Variants in WFDC9 observed in about 807,000 individuals in gnomAD.
WFDC9 encodes the protein WAP four-disulfide core domain 9.
In WFDC9, 9 loss-of-function variants were observed where a neutral mutation model predicts 9.5. The observed-to-expected ratio is 0.95, with a 90% confidence interval of 0.57 to 1.65. The LOEUF (loss-of-function observed/expected upper bound fraction) is 1.65. Among genes scored for constraint, WFDC9 ranks in the 40% most tolerant of loss-of-function variants. The pLI is 0.00. For synonymous variants in WFDC9, 33 were observed against 32.3 expected, an observed-to-expected ratio of 1.02 and a Z score of -0.07; for missense variants, 87 against 106.7, an observed-to-expected ratio of 0.82 and a Z score of 0.81.
At chr20:45,616,782 G>T (rs1220337653) in intron 1 of WFDC9, among the ~76,000 whole-genome samples, 2 of 152,216 alleles carry the variant, frequency 1.3e-5, no homozygotes, top group Admixed American at 6.5e-5. Context: ...TGAGCCGTAG[G>T]CCTCAACAGT....
intron 2 of WFDC9, among the ~76,000 whole-genome samples, chr20:45,613,509 T>C (rs935011500): frequency 5.3e-5 from 8 of 152,208 alleles, no homozygotes; most frequent in African/African-American, 4.8e-5. Context: ...TTTAGACAAA[T>C]CACTTTTAAG....
rs182531995 is a variant in WFDC9 at position 45,617,367 on chromosome 20, A to C, written c.-152-2646T>G. ...CTACTCAGAAGGCTGAGGCAGGAGAATCACTTGGACCCAGGTGGCAGAGGT... is the reference window on the plus strand; with the variant it reads ...CTACTCAGAAGGCTGAGGCAGGAGACTCACTTGGACCCAGGTGGCAGAGGT... On this transcript the variant is annotated intron_variant, in intron 1 of 4. Transcript: ENST00000326000. 4.4e-3 allele frequency among the ~76,000 whole-genome samples: 663 copies of C among 152,330 alleles called. 3 individuals are homozygous for C. Among genetic ancestry groups the C allele is most frequent in the Middle Eastern group, 6.8e-3 (2 of 294 alleles).
chr20:45,622,624 G>C (rs902558256), intron 1 of WFDC9, among the ~76,000 whole-genome samples: 2 of 151,936 alleles, frequency 1.3e-5, no homozygotes, highest in African/African-American at 4.8e-5. Context: ...TTACTTAATG[G>C]TGCCCAATCA....
chr20:45,629,946 G>C (rs1277517838), intron 1 of WFDC9: 2 of 1,605,650 alleles, frequency 1.2e-6, no homozygotes, highest in East Asian at 2.2e-5. Flanking sequence ...GAATTGGGTA[G>C]GGGGAATGGA....
rs201017353 is a variant in WFDC9, at chr20:45,610,069, C to T, written c.91+22G>A. 99 of 1,602,364 alleles carry T rather than the reference C, an allele frequency of 6.2e-5. No individual in the cohort carries two copies. The African/African-American group carries it at 8.6e-4, about 14-fold the overall frequency. On this transcript the variant is annotated intron_variant, in intron 3 of 4. Transcript: ENST00000326000. ...CATCCCAGGACTGGGCAGAGCACCC[C>T]GTCCCTTTTCACACCACCCACAGGG...
rs1228314326 is a variant in WFDC9 at position 45,629,695 on chromosome 20, A to G, written c.-153+1508T>C. 15 of 1,297,270 alleles carry G rather than the reference A, an allele frequency of 1.2e-5. No individual in the cohort carries two copies. The East Asian group carries it at 3.8e-4, about 33-fold the overall frequency. 80.4% of individuals were successfully genotyped at this position (1,297,270 alleles called of 1,614,324 possible). On this transcript the variant is annotated intron_variant, in intron 1 of 4. Coordinates refer to ENST00000326000, the MANE Select transcript of WFDC9 (RefSeq NM_147198.4). ...CTTGCTCTGCTCCGACTTGGCCAGT[A>G]GAGGCAGTGAGGAGCTAAAGATCAT...
intron 1 of WFDC9, among the ~76,000 whole-genome samples, chr20:45,627,816 AT>A (rs1255879172): frequency 6.6e-6 from 1 of 152,132 alleles, no homozygotes; most frequent in African/African-American, 2.4e-5. Context: ...AATTATTTCC[AT>A]TATAGTCTGA....
Position 45,608,065 on chromosome 20 carries a change from C to G in WFDC9, c.*45G>C. On this transcript the variant is annotated 3_prime_UTR_variant, in exon 5 of 5. Transcript: ENST00000326000. ...GAAGTAGGCAGCACTCTTCTTAGAC[C>G]AGATGGTCATCCTTCAGCCCACAGT... 1 of 1,611,038 alleles carries G rather than the reference C, an allele frequency of 6.2e-7. No homozygotes were observed. The highest frequency in any genetic ancestry group is 8.5e-7 in the Non-Finnish European group (1 of 1,177,882).
chr20:45,610,563 T>C (rs1414377421), intron 2 of WFDC9, among the ~76,000 whole-genome samples: 1 of 152,240 alleles, frequency 6.6e-6, no homozygotes, highest in East Asian at 1.9e-4. Context: ...AATATATGTC[T>C]ATACTTTTAT....
At chr20:45,629,642 A>G in intron 1 of WFDC9, 1 of 750,362 alleles carries the variant, frequency 1.3e-6, no homozygotes, top group Non-Finnish European at 2.1e-6. Context: ...CGACAAGGCC[A>G]GGGGCAAGCA....
At chr20:45,630,741 TTCTATGAAGAAGGAA>T in intron 1 of WFDC9, 1 of 1,058,378 alleles carries the variant, frequency 9.4e-7, no homozygotes, top group Non-Finnish European at 1.3e-6. Flanking sequence ...AGGAAGGTAG[TTCTATGAAGAAGGAA>T]TCCAGGAGTA....
intron 1 of WFDC9, among the ~76,000 whole-genome samples, chr20:45,630,250 G>T (rs1982326355): frequency 6.6e-6 from 1 of 152,124 alleles, no homozygotes; most frequent in South Asian, 2.1e-4. Context: ...GAGGAGTAAA[G>T]ATTCAGAAGT....
chr20:45,613,602 G>T (rs145759573), intron 2 of WFDC9, among the ~76,000 whole-genome samples: 2,112 of 152,256 alleles, frequency 0.014, 89 homozygotes, highest in Admixed American at 0.098. Flanking sequence ...CAGAGACACA[G>T]GTTCTTAATG....
At position 45,631,211 on chromosome 20, in the gene WFDC9, C is replaced by A; in HGVS notation, c.-161G>T. ...ATGCCCAGGGATCCTACCTCTTTTG[C>A]TGCCACTACAGATGATCATTGAGAG... On this transcript the variant is annotated 5_prime_UTR_variant, in exon 1 of 5. Transcript: ENST00000326000. 2.0e-6 allele frequency: 1 copy of A among 508,236 alleles called. No individual in the cohort carries two copies. Among genetic ancestry groups the A allele is most frequent in the Non-Finnish European group, 3.1e-6 (1 of 317,694 alleles). 31.5% of individuals were successfully genotyped at this position (508,236 alleles called of 1,614,324 possible).
chr20:45,626,991 C>T (rs1008814077), intron 1 of WFDC9, among the ~76,000 whole-genome samples: 7 of 152,086 alleles, frequency 4.6e-5, no homozygotes, highest in Non-Finnish European at 8.8e-5. Context: ...AGGTGCTTTC[C>T]TTTCATACAT....
At chr20:45,608,641 C>A in intron 4 of WFDC9, 22 bp downstream of exon 4, 1 of 1,604,924 alleles carries the variant, frequency 6.2e-7, no homozygotes, top group Admixed American at 1.7e-5. Flanking sequence ...AGGCCCTAGC[C>A]TTCCCACCCC....
intron 1 of WFDC9, among the ~76,000 whole-genome samples, chr20:45,619,784 GGAGGCTGAA>G (rs1343760000): frequency 6.6e-6 from 1 of 152,150 alleles, no homozygotes. Context: ...CAGCACTTTG[GGAGGCTGAA>G]GCGGGTGGAT....
intron 1 of WFDC9, 67 bp downstream of exon 1, chr20:45,631,136 G>T: frequency 3.3e-6 from 4 of 1,214,312 alleles, no homozygotes; most frequent in South Asian, 1.9e-5. Context: ...CAGGAATGCC[G>T]CCCTCTCTAC....
At chr20:45,628,668 C>T (rs186426041) in intron 1 of WFDC9, among the ~76,000 whole-genome samples, 1 of 152,154 alleles carries the variant, frequency 6.6e-6, no homozygotes, top group East Asian at 1.9e-4. Context: ...TAAAGGATAT[C>T]GCAAAGGATA....
Sources: allele counts gnomAD v4.1 joint callset (sites outside exome capture counted in the v4.1 genomes callset), GRCh38; gene constraint gnomAD v4.1.1; transcripts MANE v1.5; gene names NCBI Gene and HGNC (gene_info 2026-07-23, HGNC 2026-07-21).